PSD3: variants seen among roughly 807,000 people sequenced by gnomAD.
The protein encoded by PSD3 is pleckstrin and Sec7 domain containing 3.
A neutral mutation model predicts 105.5 loss-of-function variants in PSD3; 49 were observed. That is an observed-to-expected ratio of 0.46 (90% CI 0.37 to 0.59). PSD3 has a LOEUF of 0.59. PSD3 is among the 20% of genes least tolerant of loss of function. The pLI is 0.00. For missense variants in PSD3, 1,561 were observed against 1,263.8 expected, an observed-to-expected ratio of 1.24 and a Z score of -3.57; for synonymous variants, 557 against 457.8, an observed-to-expected ratio of 1.22 and a Z score of -2.77.
intron 10 of PSD3, among the ~76,000 whole-genome samples, chr8:18,648,562 T>A (rs1321750335): frequency 1.3e-5 from 2 of 152,200 alleles, no homozygotes; most frequent in Non-Finnish European, 2.9e-5. Context: ...AAACTGGAAC[T>A]TATATCTAAA....
At chr8:19,009,681 G>A (rs1038733530) in intron 1 of PSD3, among the ~76,000 whole-genome samples, 1 of 152,196 alleles carries the variant, frequency 6.6e-6, no homozygotes, top group African/African-American at 2.4e-5. Flanking sequence ...CCTGAGCTCA[G>A]GAGTTTGAGA....
intron 9 of PSD3, among the ~76,000 whole-genome samples, chr8:18,725,294 G>C (rs1803270434): frequency 1.3e-5 from 2 of 152,156 alleles, no homozygotes; most frequent in African/African-American, 2.4e-5. Flanking sequence ...TTTTGGAAGA[G>C]GGGCTACAAA....
chr8:18,832,883 C>T (rs777669087), intron 4 of PSD3, among the ~76,000 whole-genome samples: 2 of 152,096 alleles, frequency 1.3e-5, no homozygotes, highest in Non-Finnish European at 2.9e-5. Flanking sequence ...AATTACCTCC[C>T]ACCAGGTGCC....
intron 3 of PSD3, among the ~76,000 whole-genome samples, chr8:18,869,624 G>A (rs972092376): frequency 2.0e-5 from 3 of 152,140 alleles, no homozygotes; most frequent in Non-Finnish European, 4.4e-5. Flanking sequence ...CCTCTAGCTG[G>A]AACATTCTTC....
At chr8:19,054,360 G>T (rs924675753) in intron 1 of PSD3, among the ~76,000 whole-genome samples, 5 of 152,098 alleles carry the variant, frequency 3.3e-5, no homozygotes, top group African/African-American at 1.2e-4. Flanking sequence ...AACTAATGCA[G>T]GGACAATGGC....
chr8:18,616,636 T>TTTTTTTTC (rs1805699043), intron 11 of PSD3, among the ~76,000 whole-genome samples: 1 of 138,468 alleles, frequency 7.2e-6, no homozygotes, highest in Non-Finnish European at 1.6e-5. Context: ...TTCTTTTTTT[T>TTTTTTTTC]TTTTTGAGAC....
At chr8:18,655,219 C>T (rs1163786252) in intron 10 of PSD3, among the ~76,000 whole-genome samples, 1 of 150,554 alleles carries the variant, frequency 6.6e-6, no homozygotes, top group African/African-American at 2.4e-5. Context: ...GTCCCAGCTA[C>T]TCGGGAGGCT....
intron 4 of PSD3, among the ~76,000 whole-genome samples, chr8:18,811,446 C>G (rs924247346): frequency 1.3e-5 from 2 of 152,084 alleles, no homozygotes; most frequent in African/African-American, 4.8e-5. Flanking sequence ...AACTTCTACC[C>G]TGGGTGGGGA....
chr8:18,799,415 T>G, intron 7 of PSD3, 62 bp from the exon 8 acceptor site: 1 of 1,262,144 alleles, frequency 7.9e-7, no homozygotes, highest in Non-Finnish European at 1.2e-6. Flanking sequence ...CTCCACCTTA[T>G]TATCACTAAT....
intron 2 of PSD3, among the ~76,000 whole-genome samples, chr8:18,922,952 C>A (rs897395178): frequency 1.3e-5 from 2 of 152,162 alleles, no homozygotes; most frequent in African/African-American, 4.8e-5. Context: ...GCTCTGCAAA[C>A]CCTGTCCTTT....
At chr8:18,686,682 A>C (rs1234625255) in intron 9 of PSD3, among the ~76,000 whole-genome samples, 1 of 151,964 alleles carries the variant, frequency 6.6e-6, no homozygotes, top group Non-Finnish European at 1.5e-5. Flanking sequence ...ACTTAATCCC[A>C]ACCGCTTCTC....
intron 9 of PSD3, among the ~76,000 whole-genome samples, chr8:18,674,648 T>C (rs1359046675): frequency 2.0e-5 from 3 of 152,176 alleles, no homozygotes; most frequent in African/African-American, 7.2e-5. Context: ...CAAAACACTG[T>C]CCAACCATAG....
chr8:18,750,012 G>A (rs1413055135), intron 9 of PSD3, among the ~76,000 whole-genome samples: 1 of 152,152 alleles, frequency 6.6e-6, no homozygotes, highest in Non-Finnish European at 1.5e-5. Context: ...AACCAGCCAA[G>A]CAAACCCAAA....
At chr8:18,981,488 T>C (rs566003670) in intron 1 of PSD3, among the ~76,000 whole-genome samples, 10 of 152,248 alleles carry the variant, frequency 6.6e-5, no homozygotes, top group African/African-American at 2.4e-4. Context: ...TAAAACAAAC[T>C]CATCAGGTTG....
intron 1 of PSD3, among the ~76,000 whole-genome samples, chr8:18,952,015 T>C (rs1823268700): frequency 1.3e-5 from 2 of 152,174 alleles, no homozygotes; most frequent in African/African-American, 2.4e-5. Context: ...CTGGGAAATG[T>C]TCCTTGCTAC....
At chr8:18,538,399 AC>A (rs1449508588) in intron 15 of PSD3, among the ~76,000 whole-genome samples, 3 of 152,238 alleles carry the variant, frequency 2.0e-5, no homozygotes, top group Non-Finnish European at 4.4e-5. Flanking sequence ...AGAGGACTGA[AC>A]AAGATAATAT....
chr8:18,636,606 C>T (rs1345446186), intron 10 of PSD3, among the ~76,000 whole-genome samples: 1 of 152,208 alleles, frequency 6.6e-6, no homozygotes. Context: ...AGAGCAACTT[C>T]CAGTTCTGCA....
At chr8:18,649,479 T>C (rs973871624) in intron 10 of PSD3, among the ~76,000 whole-genome samples, 7 of 152,212 alleles carry the variant, frequency 4.6e-5, no homozygotes, top group African/African-American at 1.7e-4. Context: ...CCATTGTATC[T>C]TGGGAGCAAC....
At chr8:18,625,650 C>T (rs1383916335) in intron 11 of PSD3, among the ~76,000 whole-genome samples, 2 of 152,170 alleles carry the variant, frequency 1.3e-5, no homozygotes, top group Non-Finnish European at 2.9e-5. Context: ...CATATTTTCT[C>T]ATCGGAATTG....
Sources: allele counts gnomAD v4.1 joint callset (sites outside exome capture counted in the v4.1 genomes callset), GRCh38; gene constraint gnomAD v4.1.1; transcripts MANE v1.5; gene names NCBI Gene and HGNC (gene_info 2026-07-23, HGNC 2026-07-21).